Variants in SGMS1 observed in about 807,000 individuals in gnomAD.
SGMS1 encodes phosphatidylcholine:ceramide cholinephosphotransferase 1.
A neutral mutation model predicts 46.2 loss-of-function variants in SGMS1; 13 were observed. That is an observed-to-expected ratio of 0.28 (90% CI 0.18 to 0.45). The LOEUF (loss-of-function observed/expected upper bound fraction) is 0.45, where lower values mean the gene tolerates loss of function less well. SGMS1 is among the 20% of genes least tolerant of loss of function. The probability of loss-of-function intolerance (pLI) is 1.00; values close to 1 mark genes in which losing one functional copy is unlikely to be tolerated. For missense variants in SGMS1, 324 were observed against 519.9 expected (o/e 0.62, Z 3.66); for synonymous variants, 203 against 187.8 (o/e 1.08, Z -0.66).
At chr10:50,576,983 T>C (rs956587) in intron 2 of SGMS1, among the ~76,000 whole-genome samples, 147 of 152,354 alleles carry the variant, frequency 9.6e-4, no homozygotes, top group Admixed American at 7.6e-3. Context: ...GAGCTGGGAC[T>C]TAAAGCCCTG....
intron 1 of SGMS1, among the ~76,000 whole-genome samples, chr10:50,611,838 A>G (rs1217581433): frequency 6.6e-6 from 1 of 151,166 alleles, no homozygotes; most frequent in African/African-American, 2.4e-5. Context: ...GGAGTAAAAC[A>G]TTCCTCTTCT....
At chr10:50,513,618 C>G (rs1174088654) in intron 3 of SGMS1, among the ~76,000 whole-genome samples, 1 of 152,068 alleles carries the variant, frequency 6.6e-6, no homozygotes, top group African/African-American at 2.4e-5. Flanking sequence ...CACTCAAAAG[C>G]TATTACAATA....
chr10:50,408,764 C>CG (rs1056933414), intron 6 of SGMS1, among the ~76,000 whole-genome samples: 5 of 151,860 alleles, frequency 3.3e-5, no homozygotes, highest in Admixed American at 6.6e-5. Context: ...GCTATTGGGT[C>CG]GGGGGGGCAG....
At position 50,390,179 on chromosome 10, in the gene SGMS1, C is replaced by T. The variant is rs1043945913; in HGVS notation, c.-232+43297G>A. Among the ~76,000 whole-genome samples the T allele has an allele frequency of 2.6e-5, 4 of 152,122 alleles. No homozygotes were observed. In the East Asian group the frequency reaches 5.8e-4, roughly 22 times the overall value. The stretch of plus-strand genomic sequence containing the variant: ...ATGTTCAATTATTATTCAAACTATT[C>T]GGTACTACAAATACATGTAACGTCA... On this transcript the variant is annotated intron_variant, in intron 6 of 10. Transcript: ENST00000361781.
At chr10:50,485,071 AG>A (rs1432090029) in intron 3 of SGMS1, among the ~76,000 whole-genome samples, 1 of 152,196 alleles carries the variant, frequency 6.6e-6, no homozygotes, top group Non-Finnish European at 1.5e-5. Context: ...AAAGAAATAA[AG>A]GGTATTCAAA....
chr10:50,544,494 T>C (rs1184640204), intron 2 of SGMS1, among the ~76,000 whole-genome samples: 1 of 152,240 alleles, frequency 6.6e-6, no homozygotes, highest in African/African-American at 2.4e-5. Context: ...CTCACTCAGA[T>C]TTTCAGCTGC....
intron 8 of SGMS1, among the ~76,000 whole-genome samples, chr10:50,315,188 A>G (rs1847320051): frequency 6.6e-6 from 1 of 152,236 alleles, no homozygotes; most frequent in African/African-American, 2.4e-5. Flanking sequence ...GATTGTAAGC[A>G]TATTCCTCTA....
At chr10:50,429,550 T>C (rs1249085314) in intron 6 of SGMS1, among the ~76,000 whole-genome samples, 2 of 152,186 alleles carry the variant, frequency 1.3e-5, no homozygotes, top group Non-Finnish European at 2.9e-5. Flanking sequence ...AATTATGACA[T>C]GCATCCCCAA....
At chr10:50,620,901 C>T (rs759716227) in intron 1 of SGMS1, among the ~76,000 whole-genome samples, 1 of 152,118 alleles carries the variant, frequency 6.6e-6, no homozygotes, top group Non-Finnish European at 1.5e-5. Flanking sequence ...AATAATAATA[C>T]TGCTAGGTGC....
intron 2 of SGMS1, among the ~76,000 whole-genome samples, chr10:50,533,093 G>A (rs1837969530): frequency 6.6e-6 from 1 of 152,130 alleles, no homozygotes; most frequent in Non-Finnish European, 1.5e-5. Flanking sequence ...AGCTAATGTA[G>A]AGTAAACATA....
At chr10:50,322,198 C>T (rs1847456271) in intron 8 of SGMS1, among the ~76,000 whole-genome samples, 1 of 152,124 alleles carries the variant, frequency 6.6e-6, no homozygotes, top group South Asian at 2.1e-4. Flanking sequence ...ATGCACTAGC[C>T]AGCTGAGTGT....
intron 2 of SGMS1, among the ~76,000 whole-genome samples, chr10:50,578,270 G>T (rs1838402463): frequency 1.3e-5 from 2 of 152,192 alleles, no homozygotes; most frequent in Non-Finnish European, 2.9e-5. Context: ...CGGTATTTAT[G>T]TCCAGTCTCT....
chr10:50,373,870 C>T (rs1848482147), intron 6 of SGMS1, among the ~76,000 whole-genome samples: 1 of 152,132 alleles, frequency 6.6e-6, no homozygotes, highest in Non-Finnish European at 1.5e-5. Context: ...CACATCTTGA[C>T]CATGTGCTAC....
chr10:50,479,063 T>C (rs868396930), intron 3 of SGMS1, among the ~76,000 whole-genome samples: 5 of 108,022 alleles, frequency 4.6e-5, no homozygotes, highest in Non-Finnish European at 1.1e-4. Flanking sequence ...CAGTTACCTT[T>C]GGTTCTTTGC....
chr10:50,477,990 G>C (rs1419509369), intron 3 of SGMS1, among the ~76,000 whole-genome samples: 22 of 152,170 alleles, frequency 1.4e-4, no homozygotes, highest in African/African-American at 4.1e-4. Flanking sequence ...AAATCAGACA[G>C]AGTGATACAG....
chr10:50,407,206 A>G (rs1275188485), intron 6 of SGMS1, among the ~76,000 whole-genome samples: 1 of 152,186 alleles, frequency 6.6e-6, no homozygotes, highest in Non-Finnish European at 1.5e-5. Context: ...TAAACTGTTT[A>G]ACCTCTCTGG....
At chr10:50,411,536 C>G (rs545715089) in intron 6 of SGMS1, among the ~76,000 whole-genome samples, 3 of 152,300 alleles carry the variant, frequency 2.0e-5, no homozygotes, top group Admixed American at 2.0e-4. Flanking sequence ...AGCAACACTT[C>G]CTGCAGTGCG....
intron 6 of SGMS1, among the ~76,000 whole-genome samples, chr10:50,368,525 T>A (rs1380200066): frequency 6.6e-6 from 1 of 152,180 alleles, no homozygotes; most frequent in Non-Finnish European, 1.5e-5. Context: ...CCCAGCTAAT[T>A]TTTGTATTTT....
chr10:50,553,648 G>C (rs1838167639), intron 2 of SGMS1, among the ~76,000 whole-genome samples: 1 of 152,108 alleles, frequency 6.6e-6, no homozygotes, highest in South Asian at 2.1e-4. Context: ...GTTCATGCCT[G>C]CGTCTCTGAA....
Sources: allele counts gnomAD v4.1 joint callset (sites outside exome capture counted in the v4.1 genomes callset), GRCh38; gene constraint gnomAD v4.1.1; transcripts MANE v1.5; gene names NCBI Gene and HGNC (gene_info 2026-07-23, HGNC 2026-07-21).